The following TMEM131L variants were observed in gnomAD, a reference collection of about 807,000 sequenced individuals.
TMEM131L encodes the protein transmembrane protein 131-like.
TMEM131L carries 54 observed loss-of-function variants against 192.2 expected under a neutral mutation model. That is an observed-to-expected ratio of 0.28 (90% CI 0.23 to 0.35). The LOEUF is 0.35. Ranked by LOEUF, TMEM131L falls within the 10% of genes least tolerant of loss-of-function variation. The pLI is 1.00. For synonymous variants in TMEM131L, 701 were observed against 704.9 expected (o/e 0.99, Z 0.09); for missense variants, 1,888 against 1,972.9 (o/e 0.96, Z 0.82).
Position 153,466,508 on chromosome 4 carries a change from G to T in TMEM131L, c.111G>T (p.Gly37=). The T allele has an allele frequency of 7.1e-7, 1 of 1,400,712 alleles. No individual in the cohort carries two copies. The highest frequency in any genetic ancestry group is 1.5e-5 in the South Asian group (1 of 64,554). 86.8% of individuals were successfully genotyped at this position (1,400,712 alleles called of 1,614,324 possible). A position where few individuals can be genotyped will look rare whatever the true frequency, so the allele number is the denominator to read the frequency against. The part of the protein sequence containing the change: ...QVLLPCCRPG[G]AQGQAIEPLP... ...TGCTGCCCTGCTGTCGCCCGGGAGG[G>T]GCTCAGGGACAAGGTCAGCCTTGCG... is the stretch of plus-strand genomic sequence containing the variant. The change falls in exon 1 of 35, where the codon GGG becomes GGT. Residue 37 remains glycine, a synonymous_variant. Transcript: ENST00000409959.
chr4:153,572,426 G>C (rs1004554215), intron 7 of TMEM131L, among the ~76,000 whole-genome samples: 2 of 152,154 alleles, frequency 1.3e-5, no homozygotes, highest in African/African-American at 4.8e-5. Context: ...TGCCTCCCGG[G>C]TTCAAGTGAT....
At chr4:153,597,936 G>A (rs1045467395) in intron 20 of TMEM131L, among the ~76,000 whole-genome samples, 24 of 151,668 alleles carry the variant, frequency 1.6e-4, no homozygotes, top group African/African-American at 5.6e-4. Flanking sequence ...CTATCTCCTA[G>A]GTAAATAAAT....
At chr4:153,553,242 AGTCT>A (rs1737765039) in intron 4 of TMEM131L, among the ~76,000 whole-genome samples, 1 of 152,124 alleles carries the variant, frequency 6.6e-6, no homozygotes, top group African/African-American at 2.4e-5. Context: ...GCATTATCTG[AGTCT>A]GTGTGTATCG....
Position 153,588,867 on chromosome 4 carries a change from A to G in TMEM131L, c.1553-23A>G, listed in dbSNP as rs202105331. On this transcript the variant is annotated intron_variant, in intron 15 of 34. Transcript: ENST00000409959. Reference sequence around the variant, plus strand: ...AATTATGTTTTCTGTAAATCTAAATATGGAATCTGATCTAACTTTTAGGAA... The same window carrying G: ...AATTATGTTTTCTGTAAATCTAAATGTGGAATCTGATCTAACTTTTAGGAA... The G allele has an allele frequency of 4.1e-5, 48 of 1,178,076 alleles. 1 individual carries two copies. In the Admixed American group the frequency reaches 7.6e-4, roughly 19 times the overall value. The allele number at this position is 1,178,076 out of a possible 1,614,324, so 73.0% of individuals were successfully genotyped here.
chr4:153,596,716 G>A (rs1026576864), intron 20 of TMEM131L, among the ~76,000 whole-genome samples: 2 of 152,306 alleles, frequency 1.3e-5, no homozygotes, highest in South Asian at 2.1e-4. Flanking sequence ...TAGAAAGATC[G>A]TTAAAGGACT....
rs1459495460 is a variant in TMEM131L, at chr4:153,473,969, T to C, written c.239+81T>C. The stretch of plus-strand genomic sequence containing the variant: ...GTGCTCTCTGAAGTCTCAGTATATG[T>C]CCATGTTTATGTATTTAGTAGTATC... On this transcript the variant is annotated intron_variant, in intron 3 of 34. Coordinates refer to ENST00000409959, the MANE Select transcript of TMEM131L (RefSeq NM_001131007.2). 12 of 897,650 alleles carry C rather than the reference T, an allele frequency of 1.3e-5. No homozygotes were observed. In the East Asian group the frequency reaches 2.8e-4, roughly 21 times the overall value. 55.6% of individuals were successfully genotyped at this position (897,650 alleles called of 1,614,324 possible). A position where few individuals can be genotyped will look rare whatever the true frequency, so the allele number is the denominator to read the frequency against.
At chr4:153,491,841 G>A (rs999021746) in intron 3 of TMEM131L, among the ~76,000 whole-genome samples, 32 of 151,864 alleles carry the variant, frequency 2.1e-4, no homozygotes, top group African/African-American at 7.5e-4. Context: ...TGAGTAGCTG[G>A]GACTACAGGC....
rs1403475833 is a variant in TMEM131L at position 153,488,673 on chromosome 4, TATTA to T, written c.239+14789_239+14792del. On this transcript the variant is annotated intron_variant, in intron 3 of 34. Coordinates refer to ENST00000409959, the MANE Select transcript of TMEM131L (RefSeq NM_001131007.2). ...AAGCAACTCAAGTTCAAGTGTGGTGTATTAATTTCCCAGGGCTGTCTAACGAAGT... is the reference window on the plus strand; with the variant it reads ...AAGCAACTCAAGTTCAAGTGTGGTGTATTTCCCAGGGCTGTCTAACGAAGT... Among the ~76,000 whole-genome samples the T allele has an allele frequency of 2.6e-5, 4 of 152,296 alleles. No homozygotes were observed. The East Asian group carries it at 5.8e-4, about 22-fold the overall frequency.
chr4:153,537,812 G>C (rs1012555879), intron 3 of TMEM131L, among the ~76,000 whole-genome samples: 49 of 152,216 alleles, frequency 3.2e-4, no homozygotes, highest in African/African-American at 1.1e-3. Context: ...TTAAGATGGA[G>C]TTGCTCTGGT....
chr4:153,530,608 G>A (rs1229755211), intron 3 of TMEM131L, among the ~76,000 whole-genome samples: 1 of 152,152 alleles, frequency 6.6e-6, no homozygotes, highest in African/African-American at 2.4e-5. Context: ...CCTTTAAAAG[G>A]TATTCATTGG....
intron 30 of TMEM131L, among the ~76,000 whole-genome samples, chr4:153,626,602 CG>C (rs1451949634): frequency 6.6e-6 from 1 of 152,148 alleles, no homozygotes; most frequent in Non-Finnish European, 1.5e-5. Context: ...AAAAGAATTT[CG>C]TTTTTTCTTT....
chr4:153,557,173 T>C (rs575080003), intron 6 of TMEM131L, 91 bp downstream of exon 6: 4 of 683,832 alleles, frequency 5.8e-6, no homozygotes, highest in African/African-American at 3.7e-5. Flanking sequence ...TTTGGAAATG[T>C]TGTCACCTGG....
At chr4:153,484,988 G>A (rs1239995851) in intron 3 of TMEM131L, among the ~76,000 whole-genome samples, 1 of 149,428 alleles carries the variant, frequency 6.7e-6, no homozygotes, top group Non-Finnish European at 1.5e-5. Flanking sequence ...GCGTGGTGGC[G>A]GGCGCCTGTA....
intron 2 of TMEM131L, among the ~76,000 whole-genome samples, chr4:153,471,418 A>G (rs1332168245): frequency 6.6e-6 from 1 of 152,164 alleles, no homozygotes; most frequent in Non-Finnish European, 1.5e-5. Flanking sequence ...GACATTCAGT[A>G]CTGCCCATGA....
intron 14 of TMEM131L, among the ~76,000 whole-genome samples, chr4:153,587,071 C>A (rs1578806550): frequency 1.3e-5 from 2 of 151,224 alleles, no homozygotes; most frequent in East Asian, 3.9e-4. Context: ...GTTAGAAATG[C>A]CTCATGCTTA....
intron 26 of TMEM131L, among the ~76,000 whole-genome samples, chr4:153,617,510 G>A (rs778972466): frequency 1.3e-5 from 2 of 152,192 alleles, no homozygotes; most frequent in African/African-American, 4.8e-5. Context: ...TAGTCAGTGT[G>A]ATAGGTGAGC....
intron 9 of TMEM131L, among the ~76,000 whole-genome samples, 158 bp from the exon 10 acceptor site, chr4:153,583,029 ACCT>A (rs1418974316): frequency 6.6e-6 from 1 of 151,794 alleles, no homozygotes; most frequent in Non-Finnish European, 1.5e-5. Flanking sequence ...AAAAGAAAAC[ACCT>A]CCTAGTTTTG....
intron 3 of TMEM131L, among the ~76,000 whole-genome samples, chr4:153,543,760 A>G (rs1309687036): frequency 2.0e-5 from 3 of 152,204 alleles, no homozygotes; most frequent in African/African-American, 2.4e-5. Flanking sequence ...CCCATCAGAC[A>G]CACTGTTTAG....
Position 153,604,247 on chromosome 4 carries a change from G to A in TMEM131L, c.3235G>A (p.Gly1079Arg), listed in dbSNP as rs766040839. The change falls in exon 25 of 35, where the codon GGA becomes AGA. Residue 1079 changes from glycine (G) to arginine (R), a missense_variant. By Grantham distance (125) the Gly-to-Arg change is moderately radical (BLOSUM62 -2). Transcript: ENST00000409959. ...TTCTTCAGAATGTAGTATGAAGGAG[G>A]GAATACAGACATGTATGTTTCCTAA... ...NPSSECSMKE[G>R]IQTCMFPKET... The A allele has an allele frequency of 6.2e-7, 1 of 1,613,970 alleles. No individual in the cohort carries two copies. Among genetic ancestry groups the A allele is most frequent in the Non-Finnish European group, 8.5e-7 (1 of 1,179,968 alleles).
Sources: gnomAD v4.1 joint callset for allele counts (sites outside exome capture counted in the v4.1 genomes callset) on GRCh38, gnomAD v4.1.1 for gene constraint, MANE v1.5 for transcripts, NCBI Gene and HGNC (gene_info 2026-07-23, HGNC 2026-07-21) for gene names.